Variants in SH3GL2 observed in about 807,000 individuals in gnomAD.
The protein encoded by SH3GL2 is endophilin-A1.
Under a neutral mutation model 46.0 loss-of-function variants are expected in SH3GL2, and 24 were observed. The ratio of observed to expected loss-of-function variants is 0.52; its 90% CI spans 0.38 to 0.73. SH3GL2 has a LOEUF of 0.73. Ranked by LOEUF, SH3GL2 falls within the 30% of genes least tolerant of loss-of-function variation. The pLI is 0.00. For missense variants in SH3GL2, 413 were observed against 424.2 expected, an observed-to-expected ratio of 0.97 and a Z score of 0.23; for synonymous variants, 196 against 147.1, an observed-to-expected ratio of 1.33 and a Z score of -2.40.
At position 17,724,888 on chromosome 9, in the gene SH3GL2, A is replaced by G. The variant is rs568918535; in HGVS notation, c.46-22178A>G. ...GTCTGCCTAAATCATTTATTGATCA[A>G]TATTTGTGCTTAAGCTGGCTTAGCC... On this transcript the variant is annotated intron_variant, in intron 1 of 8. Coordinates refer to ENST00000380607, the MANE Select transcript of SH3GL2 (RefSeq NM_003026.5). 3.3e-5 allele frequency among the ~76,000 whole-genome samples: 5 copies of G among 150,220 alleles called. No individual in the cohort carries two copies. In the East Asian group the frequency reaches 1.0e-3, roughly 30 times the overall value.
chr9:17,756,522 G>T (rs1181920868), intron 2 of SH3GL2, among the ~76,000 whole-genome samples: 1 of 130,214 alleles, frequency 7.7e-6, no homozygotes, highest in Non-Finnish European at 1.5e-5. Context: ...TCCCCTTCCT[G>T]TGTCCAAGTG....
chr9:17,655,290 G>A lies in SH3GL2; in HGVS notation c.45+76003G>A, dbSNP rs200606500. On this transcript the variant is annotated intron_variant, in intron 1 of 8. Coordinates refer to ENST00000380607, the MANE Select transcript of SH3GL2 (RefSeq NM_003026.5). ...CTTTCTCAAATAACCCCAGAAGGAT[G>A]GCAAGGGGTGTACGTGCTGTGTTTT... Among the ~76,000 whole-genome samples, 6 of 152,270 alleles carry A rather than the reference G, an allele frequency of 3.9e-5. No homozygotes were observed. In the East Asian group the frequency reaches 9.7e-4, roughly 25 times the overall value.
intron 1 of SH3GL2, among the ~76,000 whole-genome samples, chr9:17,607,819 A>G (rs907489278): frequency 1.3e-5 from 2 of 152,176 alleles, no homozygotes; most frequent in African/African-American, 2.4e-5. Context: ...CCTAGATTGA[A>G]ATGAAATGAA....
At chr9:17,648,421 C>G (rs943710274) in intron 1 of SH3GL2, among the ~76,000 whole-genome samples, 3 of 152,102 alleles carry the variant, frequency 2.0e-5, no homozygotes, top group African/African-American at 7.2e-5. Context: ...AATTTGGGGC[C>G]AAATCTTACA....
intron 1 of SH3GL2, among the ~76,000 whole-genome samples, chr9:17,685,858 G>A (rs1820892399): frequency 6.6e-6 from 1 of 151,978 alleles, no homozygotes; most frequent in Non-Finnish European, 1.5e-5. Flanking sequence ...TAGCCTTGTA[G>A]TATAGTTCAG....
chr9:17,784,578 C>A (rs910223765), intron 3 of SH3GL2, among the ~76,000 whole-genome samples: 5 of 152,170 alleles, frequency 3.3e-5, no homozygotes, highest in Non-Finnish European at 5.9e-5. Context: ...TAATATTTAT[C>A]ATACTTGTTG....
intron 1 of SH3GL2, among the ~76,000 whole-genome samples, chr9:17,694,436 A>G (rs186005718): frequency 6.5e-4 from 99 of 152,310 alleles, no homozygotes; most frequent in Non-Finnish European, 1.0e-3. Flanking sequence ...CTATTGTAAA[A>G]GCAACTACTA....
At chr9:17,587,733 C>G (rs1364309490) in intron 1 of SH3GL2, among the ~76,000 whole-genome samples, 1 of 152,044 alleles carries the variant, frequency 6.6e-6, no homozygotes, top group Non-Finnish European at 1.5e-5. Context: ...CAAAAATTAG[C>G]CAGGCATGGT....
chr9:17,726,695 G>A (rs1822028720), intron 1 of SH3GL2, among the ~76,000 whole-genome samples: 1 of 152,114 alleles, frequency 6.6e-6, no homozygotes, highest in South Asian at 2.1e-4. Flanking sequence ...AAGCAGAGAG[G>A]ATCAATTAGC....
At chr9:17,598,879 A>C (rs1016246255) in intron 1 of SH3GL2, among the ~76,000 whole-genome samples, 9 of 152,206 alleles carry the variant, frequency 5.9e-5, no homozygotes, top group African/African-American at 2.2e-4. Flanking sequence ...AATACACGGT[A>C]TTAATGGTGG....
At chr9:17,590,077 GGT>G (rs1818451910) in intron 1 of SH3GL2, 1 of 152,164 alleles carries the variant, frequency 6.6e-6, no homozygotes, top group Admixed American at 6.5e-5. Flanking sequence ...CTGAAGGAGA[GGT>G]GTCCTGTAGA....
At chr9:17,695,502 G>C (rs1008599470) in intron 1 of SH3GL2, among the ~76,000 whole-genome samples, 3 of 152,102 alleles carry the variant, frequency 2.0e-5, no homozygotes, top group Admixed American at 1.3e-4. Context: ...CATAATCTCA[G>C]GGGAACAAAT....
intron 1 of SH3GL2, among the ~76,000 whole-genome samples, chr9:17,678,351 A>G (rs1769639482): frequency 6.6e-6 from 1 of 152,050 alleles, no homozygotes; most frequent in Non-Finnish European, 1.5e-5. Flanking sequence ...ATGGTATCTC[A>G]TTGTGGTTTT....
At chr9:17,583,362 G>A (rs1346980488) in intron 1 of SH3GL2, among the ~76,000 whole-genome samples, 1 of 152,078 alleles carries the variant, frequency 6.6e-6, no homozygotes, top group Non-Finnish European at 1.5e-5. Flanking sequence ...AAGTCATGAG[G>A]GCACTCATGA....
At chr9:17,716,211 ATCTTTTATTTTTTGCT>A (rs926823936) in intron 1 of SH3GL2, among the ~76,000 whole-genome samples, 56 of 152,060 alleles carry the variant, frequency 3.7e-4, no homozygotes, top group African/African-American at 1.3e-3. Context: ...TGTCATTTGG[ATCTTTTATTTTTTGCT>A]TCTTTGCAAT....
chr9:17,734,053 G>A (rs535910825), intron 1 of SH3GL2, among the ~76,000 whole-genome samples: 86 of 152,110 alleles, frequency 5.7e-4, no homozygotes, highest in African/African-American at 2.0e-3. Flanking sequence ...TCTAGAAAAT[G>A]CACTCTCAGT....
Position 17,583,572 on chromosome 9 carries a change from A to G in SH3GL2, c.45+4285A>G, listed in dbSNP as rs886615214. Among the ~76,000 whole-genome samples, 31 of 152,224 alleles carry G rather than the reference A, an allele frequency of 2.0e-4. No homozygotes were observed. The East Asian group carries it at 2.1e-3, about 10-fold the overall frequency. The stretch of plus-strand genomic sequence containing the variant: ...GAGAAATAAATTCTATTATTTATAA[A>G]TTACCCCGTCTAAGATATTTTGTTA... On this transcript the variant is annotated intron_variant, in intron 1 of 8. Transcript: ENST00000380607.
chr9:17,706,839 C>G (rs1173427537), intron 1 of SH3GL2, among the ~76,000 whole-genome samples: 1 of 151,914 alleles, frequency 6.6e-6, no homozygotes, highest in African/African-American at 2.4e-5. Context: ...ATCCTCTTCT[C>G]ACGTAGGAGA....
At chr9:17,674,381 C>T (rs1820553727) in intron 1 of SH3GL2, among the ~76,000 whole-genome samples, 1 of 152,076 alleles carries the variant, frequency 6.6e-6, no homozygotes, top group Non-Finnish European at 1.5e-5. Flanking sequence ...ATTCTTTTGC[C>T]TGAACCTCCT....
Sources: allele counts gnomAD v4.1 joint callset (sites outside exome capture counted in the v4.1 genomes callset), GRCh38; gene constraint gnomAD v4.1.1; transcripts MANE v1.5; gene names NCBI Gene and HGNC (gene_info 2026-07-23, HGNC 2026-07-21).